The following GFOD2 variants were observed in gnomAD, a reference collection of about 807,000 sequenced individuals.
GFOD2 encodes Gfo/Idh/MocA-like oxidoreductase domain containing 2.
GFOD2 carries 9 observed loss-of-function variants against 24.6 expected under a neutral mutation model. The observed-to-expected ratio is 0.37, with a 90% confidence interval of 0.22 to 0.64. The LOEUF (loss-of-function observed/expected upper bound fraction) is 0.64. GFOD2 is among the 30% of genes least tolerant of loss of function. GFOD2 has a pLI of 0.65. For missense variants in GFOD2, 476 were observed against 532.5 expected, an observed-to-expected ratio of 0.89 and a Z score of 1.04; for synonymous variants, 211 against 224.8, an observed-to-expected ratio of 0.94 and a Z score of 0.55.
intron 1 of GFOD2, among the ~76,000 whole-genome samples, chr16:67,688,407 T>C (rs142071516): frequency 2.6e-4 from 39 of 152,330 alleles, no homozygotes; most frequent in African/African-American, 7.7e-4. Flanking sequence ...TTCTGAGACA[T>C]GATTCTGTCT....
chr16:67,712,509 CA>C (rs1374451366), intron 1 of GFOD2, among the ~76,000 whole-genome samples: 2 of 126,342 alleles, frequency 1.6e-5, no homozygotes, highest in Non-Finnish European at 1.7e-5. Context: ...GGCTGGTCTC[CA>C]GCTCCTAGCC....
At chr16:67,712,122 A>C (rs1160979062) in intron 1 of GFOD2, among the ~76,000 whole-genome samples, 1 of 152,212 alleles carries the variant, frequency 6.6e-6, no homozygotes, top group Non-Finnish European at 1.5e-5. Flanking sequence ...AAGATTTCAG[A>C]CCTAGTTCCT....
chr16:67,702,253 G>A (rs1039410888), intron 1 of GFOD2, among the ~76,000 whole-genome samples: 1 of 152,114 alleles, frequency 6.6e-6, no homozygotes, highest in African/African-American at 2.4e-5. Context: ...AGAGGCTGAG[G>A]CAGGCGGATT....
chr16:67,682,038 T>C (rs1234716941), intron 2 of GFOD2: 1 of 284,764 alleles, frequency 3.5e-6, no homozygotes, highest in Non-Finnish European at 5.2e-6. Context: ...CTTTTTACTT[T>C]TCTTTTCTTT....
At chr16:67,681,679 G>T (rs2053226236) in intron 2 of GFOD2, 1 of 972,730 alleles carries the variant, frequency 1.0e-6, no homozygotes, top group African/African-American at 1.8e-5. Context: ...CAAAGTGCTG[G>T]ATTAGAGGTG....
intron 2 of GFOD2, chr16:67,681,859 T>C (rs1280448096): frequency 6.1e-6 from 6 of 985,180 alleles, no homozygotes; most frequent in Non-Finnish European, 6.0e-6. Context: ...CTAGCTCTCC[T>C]GCCAGGAAGT....
Position 67,674,859 on chromosome 16 carries a change from G to T in GFOD2, c.*296C>A, listed in dbSNP as rs1260968508. ...GTTAGGACTGCGGATCAGGCTGAAG[G>T]GCTCCCCAGGGTGAGCCTTTCCTGG... On this transcript the variant is annotated 3_prime_UTR_variant, in exon 3 of 3. Coordinates refer to ENST00000268797, the MANE Select transcript of GFOD2 (RefSeq NM_030819.4). 1.0e-5 allele frequency: 4 copies of T among 395,748 alleles called. No homozygotes were observed. The highest frequency in any genetic ancestry group is 6.7e-4 in the Middle Eastern group (1 of 1,490). The allele number at this position is 395,748 out of a possible 1,614,324, so 24.5% of individuals were successfully genotyped here.
intron 2 of GFOD2, chr16:67,684,419 G>C (rs2053250222): frequency 6.6e-6 from 1 of 150,718 alleles, no homozygotes; most frequent in Non-Finnish European, 1.5e-5. Context: ...AAAAATGCTG[G>C]GCATGGTGGC....
chr16:67,694,015 C>T (rs955199959), intron 1 of GFOD2, among the ~76,000 whole-genome samples: 5 of 151,854 alleles, frequency 3.3e-5, no homozygotes, highest in African/African-American at 1.2e-4. Flanking sequence ...AAGACAGAGT[C>T]TTGCTCTATC....
At chr16:67,681,009 T>G (rs1597791291) in intron 2 of GFOD2, 7 of 984,836 alleles carry the variant, frequency 7.1e-6, no homozygotes, top group Non-Finnish European at 7.2e-6. Context: ...GCAGGGAGAG[T>G]AGCCCCTGAC....
In GFOD2 at chr16:67,674,998, G is replaced by A; in HGVS notation, c.*157C>T. 1 of 784,298 alleles carries A rather than the reference G, an allele frequency of 1.3e-6. No homozygotes were observed. The highest frequency in any genetic ancestry group is 2.0e-6 in the Non-Finnish European group (1 of 489,286). 48.6% of individuals were successfully genotyped at this position (784,298 alleles called of 1,614,324 possible). A position where few individuals can be genotyped will look rare whatever the true frequency, so the allele number is the denominator to read the frequency against. ...CCCTGCAAGTCTGAGGAGCAGATGA[G>A]CCACTGGAGGGGGCGAAGTCCCAGA... On this transcript the variant is annotated 3_prime_UTR_variant, in exon 3 of 3. Coordinates refer to ENST00000268797, the MANE Select transcript of GFOD2 (RefSeq NM_030819.4).
chr16:67,690,180 G>A (rs2053300358), intron 1 of GFOD2, among the ~76,000 whole-genome samples: 1 of 152,080 alleles, frequency 6.6e-6, no homozygotes. Context: ...TTTGTTTGGG[G>A]CATATACCCA....
At chr16:67,681,261 A>G in intron 2 of GFOD2, 2 of 985,450 alleles carry the variant, frequency 2.0e-6, no homozygotes, top group Non-Finnish European at 2.4e-6. Context: ...GACAGAGTGG[A>G]TACTGCAGTG....
rs142214160 is a variant in GFOD2, at chr16:67,713,661, A to G, written c.-88+5502T>C. Among the ~76,000 whole-genome samples, 577 of 152,320 alleles carry G rather than the reference A, an allele frequency of 3.8e-3. 1 individual carries two copies. The highest frequency in any genetic ancestry group is 0.013 in the African/African-American group (552 of 41,584). On this transcript the variant is annotated intron_variant, in intron 1 of 2. Coordinates refer to ENST00000268797, the MANE Select transcript of GFOD2 (RefSeq NM_030819.4). ...AGAATATTACAAAGGATAGAGATGAAGAAGGTGCATAGGGCAAGGTATGGG... is the reference window on the plus strand; with the variant it reads ...AGAATATTACAAAGGATAGAGATGAGGAAGGTGCATAGGGCAAGGTATGGG...
intron 1 of GFOD2, among the ~76,000 whole-genome samples, chr16:67,701,831 G>A (rs972125629): frequency 1.1e-4 from 17 of 151,270 alleles, no homozygotes; most frequent in African/African-American, 3.6e-4. Flanking sequence ...CTAAGTGACT[G>A]AGAAACTGCA....
chr16:67,718,379 A>G (rs117436074), intron 1 of GFOD2, among the ~76,000 whole-genome samples: 4,459 of 152,338 alleles, frequency 0.029, 95 homozygotes, highest in Middle Eastern at 0.16. Context: ...CCTGATGCCT[A>G]TCCAATACAG....
intron 1 of GFOD2, among the ~76,000 whole-genome samples, chr16:67,697,941 G>C (rs1315062105): frequency 2.0e-5 from 3 of 152,138 alleles, no homozygotes; most frequent in African/African-American, 7.2e-5. Context: ...TCAAGAGTTT[G>C]GACTTTGACA....
Position 67,710,768 on chromosome 16 carries a change from A to G in GFOD2, c.-88+8395T>C, listed in dbSNP as rs957102151. Among the ~76,000 whole-genome samples, 4 of 152,276 alleles carry G rather than the reference A, an allele frequency of 2.6e-5. No individual in the cohort carries two copies. In the South Asian group the frequency reaches 8.3e-4, roughly 32 times the overall value. ...AGGCTCAATTACGATAAAAACACTG[A>G]CATTGTGAGTCATTTTCTATCCACT... On this transcript the variant is annotated intron_variant, in intron 1 of 2. Coordinates refer to ENST00000268797, the MANE Select transcript of GFOD2 (RefSeq NM_030819.4).
intron 2 of GFOD2, chr16:67,682,959 T>G: frequency 2.2e-6 from 1 of 446,448 alleles, no homozygotes; most frequent in African/African-American, 2.1e-5. Context: ...GCCTGAGAAT[T>G]TAGATTTCTT....
Sources: gnomAD v4.1 joint callset for allele counts (sites outside exome capture counted in the v4.1 genomes callset) on GRCh38, gnomAD v4.1.1 for gene constraint, MANE v1.5 for transcripts, NCBI Gene and HGNC (gene_info 2026-07-23, HGNC 2026-07-21) for gene names.